ZPBP: variants seen among roughly 807,000 people sequenced by gnomAD.
ZPBP encodes the protein zona pellucida binding protein, also known as zona pellucida-binding protein 1.
A neutral mutation model predicts 44.8 loss-of-function variants in ZPBP; 26 were observed. The ratio of observed to expected loss-of-function variants is 0.58; its 90% CI spans 0.43 to 0.81. The LOEUF (loss-of-function observed/expected upper bound fraction) is 0.81, where lower values mean the gene tolerates loss of function less well. Ranked by LOEUF, ZPBP falls within the 30% of genes least tolerant of loss-of-function variation. ZPBP has a pLI of 0.00. For missense variants in ZPBP, 409 were observed against 434.0 expected (o/e 0.94, Z 0.51); for synonymous variants, 174 against 153.2 (o/e 1.14, Z -1.00).
intron 2 of ZPBP, among the ~76,000 whole-genome samples, chr7:49,890,551 A>T (rs1355988137): frequency 6.6e-6 from 1 of 152,212 alleles, no homozygotes; most frequent in Admixed American, 6.5e-5. Flanking sequence ...CTCATTTTAT[A>T]GGGATACTTA....
At chr7:49,980,277 TATATATAATATAA>T (rs1232019478) in intron 7 of ZPBP, among the ~76,000 whole-genome samples, 2 of 113,396 alleles carry the variant, frequency 1.8e-5, no homozygotes, top group Non-Finnish European at 3.3e-5. Flanking sequence ...AAATATATAA[TATATATAATATAA>T]ATATATAATA....
At position 50,071,127 on chromosome 7, in the gene ZPBP, A is replaced by G. The variant is rs570962785; in HGVS notation, c.334+10647T>C. Reference sequence around the variant, plus strand: ...ACTTTTTAAAAATCCAAAATCACCAATGCCACCCCTACCCCACCACCAACC... The same window carrying G: ...ACTTTTTAAAAATCCAAAATCACCAGTGCCACCCCTACCCCACCACCAACC... On this transcript the variant is annotated intron_variant, in intron 3 of 7. Coordinates refer to ENST00000046087, the MANE Select transcript of ZPBP (RefSeq NM_007009.3). 1.6e-3 allele frequency among the ~76,000 whole-genome samples: 238 copies of G among 152,310 alleles called. 2 individuals carry two copies. Among genetic ancestry groups the G allele is most frequent in the African/African-American group, 5.4e-3 (223 of 41,570 alleles).
intron 7 of ZPBP, among the ~76,000 whole-genome samples, chr7:49,963,114 T>C (rs192336290): frequency 6.6e-6 from 1 of 151,758 alleles, no homozygotes; most frequent in Non-Finnish European, 1.5e-5. Context: ...TGAAAAGATA[T>C]ATCATTAGTT....
At chr7:49,928,743 G>A (rs1317810776) in intron 1 of ZPBP, among the ~76,000 whole-genome samples, 1 of 152,152 alleles carries the variant, frequency 6.6e-6, no homozygotes, top group African/African-American at 2.4e-5. Context: ...CCCAGTGGAT[G>A]GAAGAGTGCT....
At chr7:50,081,995 A>T in intron 2 of ZPBP, 96 bp from the exon 3 acceptor site, 2 of 1,401,278 alleles carry the variant, frequency 1.4e-6, no homozygotes, top group Non-Finnish European at 2.0e-6. Flanking sequence ...ATGCAATAAT[A>T]AGAGTACTTT....
chr7:50,088,335 C>T (rs1802778446), intron 2 of ZPBP, among the ~76,000 whole-genome samples: 1 of 151,922 alleles, frequency 6.6e-6, no homozygotes, highest in Admixed American at 6.6e-5. Context: ...TATAAAGAAA[C>T]ATAGGAATAA....
chr7:50,007,069 A>G (rs1798344109), intron 6 of ZPBP, among the ~76,000 whole-genome samples: 1 of 151,878 alleles, frequency 6.6e-6, no homozygotes, highest in Non-Finnish European at 1.5e-5. Flanking sequence ...TGTTCCTTCT[A>G]CTATGTGAGA....
chr7:49,874,279 T>G (rs1054059937), intron 2 of ZPBP, among the ~76,000 whole-genome samples: 1 of 152,178 alleles, frequency 6.6e-6, no homozygotes, highest in Non-Finnish European at 1.5e-5. Flanking sequence ...AATACTGCAT[T>G]TTTACTCTAC....
chr7:49,977,826 T>A lies in ZPBP; in HGVS notation c.961+5516A>T, dbSNP rs114849422. Reference sequence around the variant, plus strand: ...TCAAAACTAATATTCTGACATTCTATGTGTTGCCTTATCAACATTAATACT... The same window carrying A: ...TCAAAACTAATATTCTGACATTCTAAGTGTTGCCTTATCAACATTAATACT... On this transcript the variant is annotated intron_variant, in intron 7 of 7. Coordinates refer to ENST00000046087, the MANE Select transcript of ZPBP (RefSeq NM_007009.3). 7.5e-3 allele frequency among the ~76,000 whole-genome samples: 1,145 copies of A among 152,290 alleles called. 22 individuals are homozygous for A. Among genetic ancestry groups the A allele is most frequent in the African/African-American group, 0.026 (1,085 of 41,556 alleles).
intron 2 of ZPBP, among the ~76,000 whole-genome samples, chr7:49,893,874 T>C (rs1792251225): frequency 6.6e-6 from 1 of 152,190 alleles, no homozygotes; most frequent in Admixed American, 6.5e-5. Flanking sequence ...GGGAATTATC[T>C]GTTGTTTAAT....
At chr7:49,971,621 C>A (rs1796308895) in intron 7 of ZPBP, among the ~76,000 whole-genome samples, 1 of 152,094 alleles carries the variant, frequency 6.6e-6, no homozygotes, top group African/African-American at 2.4e-5. Context: ...TAATCAAAAA[C>A]TTTCTTATAA....
At chr7:49,982,603 C>A (rs1177448949) in intron 7 of ZPBP, among the ~76,000 whole-genome samples, 1 of 151,110 alleles carries the variant, frequency 6.6e-6, no homozygotes, top group East Asian at 1.9e-4. Flanking sequence ...ACTTCTCAGC[C>A]ATCAGAATCG....
chr7:49,960,890 TATAACACAAGTTATACTGC>T (rs1156511817), intron 7 of ZPBP, among the ~76,000 whole-genome samples: 2 of 116,822 alleles, frequency 1.7e-5, no homozygotes, highest in East Asian at 4.2e-4. Flanking sequence ...CATATTGCTG[TATAACACAAGTTATACTGC>T]ATAACACAAG....
At chr7:49,918,796 G>C (rs887205951) in intron 1 of ZPBP, 3 of 152,336 alleles carry the variant, frequency 2.0e-5, no homozygotes, top group South Asian at 4.1e-4. Flanking sequence ...TGGGCTGGGC[G>C]TGGTGGCTCA....
intron 6 of ZPBP, among the ~76,000 whole-genome samples, chr7:49,987,645 G>A (rs1562826206): frequency 6.6e-6 from 1 of 151,792 alleles, no homozygotes; most frequent in Non-Finnish European, 1.5e-5. Context: ...CCATCCAGAG[G>A]CCAATAATCC....
At chr7:50,077,456 A>G (rs1463854523) in intron 3 of ZPBP, among the ~76,000 whole-genome samples, 2 of 151,858 alleles carry the variant, frequency 1.3e-5, no homozygotes, top group Admixed American at 6.6e-5. Context: ...AAGTGAAGAG[A>G]CAATCCACAA....
chr7:49,895,742 G>A (rs1050199952), intron 2 of ZPBP, among the ~76,000 whole-genome samples: 7 of 151,142 alleles, frequency 4.6e-5, no homozygotes, highest in African/African-American at 1.5e-4. Flanking sequence ...CATATTTCTT[G>A]TAATATATAG....
At chr7:49,939,283 A>G (rs1311073045) in intron 7 of ZPBP, among the ~76,000 whole-genome samples, 1 of 152,212 alleles carries the variant, frequency 6.6e-6, no homozygotes, top group Non-Finnish European at 1.5e-5. Flanking sequence ...TTGATTATCA[A>G]AAATAGAAAT....
chr7:50,028,667 A>G (rs1799448689), intron 5 of ZPBP, among the ~76,000 whole-genome samples: 1 of 152,078 alleles, frequency 6.6e-6, no homozygotes, highest in Non-Finnish European at 1.5e-5. Flanking sequence ...TTAAAAAAAA[A>G]AAAACCCAGT....
Sources: allele counts gnomAD v4.1 joint callset (sites outside exome capture counted in the v4.1 genomes callset), GRCh38; gene constraint gnomAD v4.1.1; transcripts MANE v1.5; gene names NCBI Gene and HGNC (gene_info 2026-07-23, HGNC 2026-07-21).